Variants in CUL2 observed in about 807,000 individuals in gnomAD.
CUL2 encodes cullin 2.
In CUL2, 22 loss-of-function variants were observed where a neutral mutation model predicts 110.2. That is an observed-to-expected ratio of 0.20 (90% CI 0.14 to 0.28). CUL2 has a LOEUF of 0.28. Among genes scored for constraint, CUL2 ranks in the 10% least tolerant of loss-of-function variants. CUL2 has a pLI of 1.00. For missense variants in CUL2, 631 were observed against 905.5 expected (o/e 0.70, Z 3.89); for synonymous variants, 279 against 293.2 (o/e 0.95, Z 0.49).
intron 1 of CUL2, among the ~76,000 whole-genome samples, chr10:35,075,580 A>G (rs1452278280): frequency 6.6e-6 from 1 of 151,490 alleles, no homozygotes; most frequent in Non-Finnish European, 1.5e-5. Context: ...CACTCTTGCA[A>G]CAATGGGGTT....
In CUL2 at chr10:35,013,744, T is replaced by C. The variant is rs1418977767; in HGVS notation, c.1944A>G (p.Arg648=). The change falls in exon 19 of 21, where the codon AGA becomes AGG. Residue 648 remains arginine (R), a synonymous_variant. Transcript: ENST00000374749. ...TTGATGTAGTAATTTTAAATTTTGT[T>C]CTTTTACTGCTAAAGTTCATATTTA... ...FSLNMNFSSK[R]TKFKITTSMQ... 8.3e-6 allele frequency: 13 copies of C among 1,569,028 alleles called. No homozygotes were observed. Among genetic ancestry groups the C allele is most frequent in the Admixed American group, 1.8e-5 (1 of 55,190 alleles).
At chr10:35,024,304 T>C (rs1198543981) in intron 17 of CUL2, among the ~76,000 whole-genome samples, 3 of 152,186 alleles carry the variant, frequency 2.0e-5, no homozygotes, top group Non-Finnish European at 4.4e-5. Context: ...GTTCCCAAGA[T>C]GTAAATTAGT....
At chr10:35,028,916 G>A (rs2085398987) in intron 15 of CUL2, 29 bp from the exon 16 acceptor site, 2 of 1,348,566 alleles carry the variant, frequency 1.5e-6, no homozygotes, top group South Asian at 2.6e-5. Flanking sequence ...AATAAAATAA[G>A]CTAAATGGAT....
chr10:35,115,216 C>T (rs1251613709), intron 1 of CUL2, among the ~76,000 whole-genome samples: 1 of 150,174 alleles, frequency 6.7e-6, no homozygotes, highest in African/African-American at 2.5e-5. Context: ...CCAGCCTGGG[C>T]AACACAGCAA....
intron 1 of CUL2, among the ~76,000 whole-genome samples, chr10:35,113,217 C>T (rs992579253): frequency 2.0e-5 from 3 of 149,106 alleles, no homozygotes; most frequent in Non-Finnish European, 4.5e-5. Flanking sequence ...ATTCAGCGGC[C>T]AGGTGCGGTG....
intron 1 of CUL2, among the ~76,000 whole-genome samples, chr10:35,088,275 TGAG>T (rs201737638): frequency 0.014 from 2,066 of 152,132 alleles, 50 homozygotes; most frequent in African/African-American, 0.047. Flanking sequence ...TCTGGGAGGC[TGAG>T]GAGGGCGGAT....
chr10:35,092,212 C>T (rs1302204102), upstream of CUL2, among the ~76,000 whole-genome samples: 3 of 152,216 alleles, frequency 2.0e-5, no homozygotes, highest in Admixed American at 6.5e-5. Flanking sequence ...ACCTCAGCCT[C>T]CCAAAAGTTC....
At chr10:35,082,354 T>C (rs192595302) in intron 1 of CUL2, among the ~76,000 whole-genome samples, 574 of 152,212 alleles carry the variant, frequency 3.8e-3, no homozygotes, top group Middle Eastern at 0.01. Flanking sequence ...GGCAAATTCA[T>C]AAAGACAGAA....
Position 35,103,387 on chromosome 10 carries a change from C to T in CUL2, c.-50-2327G>A, listed in dbSNP as rs529018400. ...TCGCCCAGGCTGGAGCGCAGTGGCA[C>T]GATCTCGACTCACTGCAAGCTCCGC... On this transcript the variant is annotated intron_variant, in intron 1 of 5. Transcript: ENST00000685421. Among the ~76,000 whole-genome samples, 68 of 142,568 alleles carry T rather than the reference C, an allele frequency of 4.8e-4. 2 individuals carry two copies. The South Asian group carries it at 0.014, about 29-fold the overall frequency. 93.5% of individuals were successfully genotyped at this position (142,568 alleles called of 152,430 possible).
intron 3 of CUL2, 66 bp downstream of exon 3, chr10:35,062,894 A>G: frequency 7.4e-6 from 7 of 948,454 alleles, no homozygotes; most frequent in Non-Finnish European, 1.2e-5. Context: ...TCTACACTGG[A>G]AAACAGTAAA....
chr10:35,112,315 T>C (rs2087533113), intron 1 of CUL2, among the ~76,000 whole-genome samples: 1 of 152,222 alleles, frequency 6.6e-6, no homozygotes, highest in South Asian at 2.1e-4. Context: ...CATAAAACAA[T>C]GGTTTTCAGA....
intron 1 of CUL2, among the ~76,000 whole-genome samples, chr10:35,081,226 C>T (rs2086940948): frequency 6.6e-6 from 1 of 151,940 alleles, no homozygotes; most frequent in Non-Finnish European, 1.5e-5. Flanking sequence ...GATCTTGTCA[C>T]AAAAAAGCAG....
chr10:35,068,867 TTTTA>T (rs753403438), intron 2 of CUL2, among the ~76,000 whole-genome samples: 5 of 152,084 alleles, frequency 3.3e-5, no homozygotes, highest in African/African-American at 1.2e-4. Context: ...TAGCATAGTC[TTTTA>T]TTTATTTATT....
chr10:35,024,518 T>G (rs7069513), intron 17 of CUL2, among the ~76,000 whole-genome samples: 1 of 152,074 alleles, frequency 6.6e-6, no homozygotes, highest in Non-Finnish European at 1.5e-5. Context: ...AAAGAGAAAA[T>G]TCAAGTGTCT....
chr10:35,033,123 G>T, intron 11 of CUL2, 43 bp downstream of exon 11: 1 of 1,183,866 alleles, frequency 8.4e-7, no homozygotes. Context: ...AAGAATGATA[G>T]AGTTTTATGT....
At chr10:35,062,914 T>C in intron 3 of CUL2, 46 bp downstream of exon 3, 1 of 1,080,888 alleles carries the variant, frequency 9.3e-7, no homozygotes, top group South Asian at 1.3e-5. Context: ...ACTAGTAAAG[T>C]ATACAACTAT....
chr10:35,010,434 G>T lies in CUL2; in HGVS notation c.2115C>A (p.Ser705Arg). 6.2e-7 allele frequency: 1 copy of T among 1,605,332 alleles called. No homozygotes were observed. Among genetic ancestry groups the T allele is most frequent in the Non-Finnish European group, 8.5e-7 (1 of 1,175,908 alleles). The stretch of plus-strand genomic sequence containing the variant: ...TGGGATTAAACCTAGCTCTTGACTG[G>T]CTAATCACCTGTGGAAGAGATGTGG... Reference protein sequence around the residue: ...RHNALIQEVISQSRARFNPSI... With the variant: ...RHNALIQEVIRQSRARFNPSI... The change falls in exon 21 of 21, where the codon AGC (serine) becomes AGA (arginine). Residue 705 changes from serine to arginine, a missense_variant. By Grantham distance (110) the Ser-to-Arg change is moderately radical. This residue lies in a region of CUL2 where 159 missense variants were observed against 202.7 expected (regional missense o/e 0.78). Transcript: ENST00000374749.
intron 2 of CUL2, among the ~76,000 whole-genome samples, chr10:35,066,416 A>C (rs529502129): frequency 6.6e-6 from 1 of 151,900 alleles, no homozygotes; most frequent in Non-Finnish European, 1.5e-5. Context: ...TATCCTGCCT[A>C]CCTCCTGAGT....
intron 1 of CUL2, among the ~76,000 whole-genome samples, chr10:35,106,699 G>A (rs989903781): frequency 6.6e-6 from 1 of 152,038 alleles, no homozygotes; most frequent in African/African-American, 2.4e-5. Flanking sequence ...TGGAAAGATA[G>A]TGTTTCTGAT....
Sources: gnomAD v4.1 joint callset for allele counts (sites outside exome capture counted in the v4.1 genomes callset) on GRCh38, gnomAD v4.1.1 for gene constraint, gnomAD v4.1.1 regional missense constraint, MANE v1.5 for transcripts, NCBI Gene and HGNC (gene_info 2026-07-23, HGNC 2026-07-21) for gene names.